The following KCTD8 variants were observed in gnomAD, a reference collection of about 807,000 sequenced individuals.
KCTD8 encodes potassium channel tetramerization domain containing 8.
Under a neutral mutation model 31.5 loss-of-function variants are expected in KCTD8, and 27 were observed. That is an observed-to-expected ratio of 0.86 (90% CI 0.63 to 1.18). The LOEUF is 1.18. Ranked by LOEUF, KCTD8 falls within the 50% of genes most tolerant of loss-of-function variation. The pLI, the probability that KCTD8 is intolerant of heterozygous loss-of-function variation, is 0.00. For missense variants in KCTD8, 658 were observed against 647.7 expected, an observed-to-expected ratio of 1.02 and a Z score of -0.17; for synonymous variants, 290 against 280.0, an observed-to-expected ratio of 1.04 and a Z score of -0.36.
chr4:44,199,418 G>C (rs1376921709), intron 1 of KCTD8, among the ~76,000 whole-genome samples: 1 of 151,998 alleles, frequency 6.6e-6, no homozygotes, highest in African/African-American at 2.4e-5. Flanking sequence ...TAGCAAGTCT[G>C]AGTAAATTCA....
chr4:44,447,435 C>T, intron 1 of KCTD8, 128 bp downstream of exon 1: 2 of 1,366,460 alleles, frequency 1.5e-6, no homozygotes, highest in Non-Finnish European at 1.9e-6. Context: ...GCAGGGAGAG[C>T]CGCTCTCTAT....
chr4:44,414,224 C>T (rs1721021823), intron 1 of KCTD8, among the ~76,000 whole-genome samples: 1 of 151,814 alleles, frequency 6.6e-6, no homozygotes, highest in Non-Finnish European at 1.5e-5. Flanking sequence ...GAGCAAAAGG[C>T]TTAGAGAATT....
intron 1 of KCTD8, among the ~76,000 whole-genome samples, chr4:44,254,576 T>C (rs1285130838): frequency 6.7e-6 from 1 of 150,240 alleles, no homozygotes; most frequent in African/African-American, 2.4e-5. Flanking sequence ...TCTGTAAATC[T>C]CAGTCACTTC....
intron 1 of KCTD8, among the ~76,000 whole-genome samples, chr4:44,406,117 G>A (rs1283779600): frequency 1.3e-5 from 2 of 152,002 alleles, no homozygotes; most frequent in Admixed American, 6.6e-5. Flanking sequence ...CCACAGTGGG[G>A]TAGCATCCAA....
chr4:44,322,509 T>C (rs1718321405), intron 1 of KCTD8, among the ~76,000 whole-genome samples: 1 of 152,080 alleles, frequency 6.6e-6, no homozygotes, highest in Non-Finnish European at 1.5e-5. Context: ...CTTTGTCAGA[T>C]GGATATTTTG....
intron 1 of KCTD8, among the ~76,000 whole-genome samples, chr4:44,189,201 G>A (rs1335955454): frequency 1.3e-5 from 2 of 152,068 alleles, no homozygotes; most frequent in Non-Finnish European, 1.5e-5. Context: ...ATATTGTACT[G>A]CAAATCATTC....
intron 1 of KCTD8, among the ~76,000 whole-genome samples, chr4:44,247,025 G>A (rs1475369234): frequency 6.6e-6 from 1 of 151,920 alleles, no homozygotes; most frequent in Non-Finnish European, 1.5e-5. Flanking sequence ...TATTTGTAGA[G>A]TTATCATTTC....
intron 1 of KCTD8, among the ~76,000 whole-genome samples, chr4:44,415,455 A>G (rs2109466786): frequency 6.6e-6 from 1 of 152,272 alleles, no homozygotes; most frequent in African/African-American, 2.4e-5. Flanking sequence ...CAATGGGAAA[A>G]AGCCTCAAAG....
intron 1 of KCTD8, among the ~76,000 whole-genome samples, chr4:44,414,462 A>T (rs1372577857): frequency 6.6e-6 from 1 of 152,072 alleles, no homozygotes; most frequent in Non-Finnish European, 1.5e-5. Flanking sequence ...GGGCTATAAG[A>T]ATGGCATCAT....
chr4:44,398,776 C>T (rs553538831), intron 1 of KCTD8, among the ~76,000 whole-genome samples: 56 of 152,218 alleles, frequency 3.7e-4, no homozygotes, highest in African/African-American at 1.2e-3. Flanking sequence ...GAGCTAGGTA[C>T]GGCATACCCC....
At chr4:44,298,412 C>T (rs1030977294) in intron 1 of KCTD8, among the ~76,000 whole-genome samples, 6 of 151,306 alleles carry the variant, frequency 4.0e-5, no homozygotes, top group Non-Finnish European at 8.9e-5. Flanking sequence ...ATCTGCCCCC[C>T]CCACCTCTTT....
intron 1 of KCTD8, among the ~76,000 whole-genome samples, chr4:44,395,557 C>G (rs1720481771): frequency 1.3e-5 from 2 of 152,082 alleles, no homozygotes; most frequent in Admixed American, 1.3e-4. Context: ...AAATCTTCAC[C>G]TTTTTCCAGA....
intron 1 of KCTD8, among the ~76,000 whole-genome samples, chr4:44,381,853 G>A (rs1720073757): frequency 2.6e-5 from 4 of 151,362 alleles, no homozygotes; most frequent in South Asian, 2.1e-4. Context: ...CCCTCACCAG[G>A]AGCAAATGCT....
chr4:44,236,448 A>G (rs552396469), intron 1 of KCTD8, among the ~76,000 whole-genome samples: 10 of 148,170 alleles, frequency 6.7e-5, no homozygotes, highest in African/African-American at 2.2e-4. Flanking sequence ...AAGTCTATTC[A>G]CTTTAAAATG....
chr4:44,252,890 A>G (rs962617600), intron 1 of KCTD8, among the ~76,000 whole-genome samples: 7 of 151,792 alleles, frequency 4.6e-5, no homozygotes, highest in African/African-American at 1.7e-4. Context: ...AACAGCTCGA[A>G]TAATATATGG....
intron 1 of KCTD8, among the ~76,000 whole-genome samples, chr4:44,250,007 T>C (rs1200183441): frequency 1.3e-5 from 2 of 151,830 alleles, no homozygotes; most frequent in Non-Finnish European, 2.9e-5. Flanking sequence ...ACACAAATGG[T>C]GTCGATTTTG....
intron 1 of KCTD8, among the ~76,000 whole-genome samples, chr4:44,197,173 T>C (rs1162535236): frequency 1.3e-5 from 2 of 152,018 alleles, no homozygotes; most frequent in African/African-American, 4.8e-5. Flanking sequence ...GTTTGGGTAA[T>C]GTCCAAGCAG....
intron 1 of KCTD8, among the ~76,000 whole-genome samples, chr4:44,223,245 T>C (rs1714859078): frequency 6.6e-6 from 1 of 152,194 alleles, no homozygotes; most frequent in African/African-American, 2.4e-5. Flanking sequence ...TTTCTGTTTC[T>C]AGTGACTGGA....
chr4:44,182,182 C>T (rs1034854029), intron 1 of KCTD8, among the ~76,000 whole-genome samples: 9 of 151,282 alleles, frequency 5.9e-5, no homozygotes, highest in Non-Finnish European at 1.0e-4. Context: ...GGGGCGCCTC[C>T]GCCTGGCCGG....
Sources: gnomAD v4.1 joint callset for allele counts (sites outside exome capture counted in the v4.1 genomes callset) on GRCh38, gnomAD v4.1.1 for gene constraint, MANE v1.5 for transcripts, NCBI Gene and HGNC (gene_info 2026-07-23, HGNC 2026-07-21) for gene names.